Variants in HDAC7 observed in about 807,000 individuals in gnomAD.
HDAC7 encodes histone deacetylase 7A.
In HDAC7, 26 loss-of-function variants were observed where a neutral mutation model predicts 115.5. That is an observed-to-expected ratio of 0.23 (90% CI 0.16 to 0.31). The LOEUF is 0.31. Among genes scored for constraint, HDAC7 ranks in the 10% least tolerant of loss-of-function variants. The pLI, the probability that HDAC7 is intolerant of heterozygous loss-of-function variation, is 1.00. For synonymous variants in HDAC7, 564 were observed against 550.9 expected (o/e 1.02, Z -0.33); for missense variants, 1,068 against 1,329.0 (o/e 0.80, Z 3.05).
rs770321899 is a variant in HDAC7, at chr12:47,794,841, C to G, written c.1377G>C (p.Val459=). Residue 459 remains valine (V), a synonymous_variant, in exon 12 of 26, where the codon GTG becomes GTC. Coordinates refer to ENST00000080059, the MANE Select transcript of HDAC7 (RefSeq NM_015401.5). ...GCTCCCTGTGCTCCAGGCCATCGTC[C>G]ACCACCTGGCCCGGTCCCCCGCCAT... ...ETDGGGPGQV[V]DDGLEHRELG... is the part of the protein sequence containing the mutation. The G allele has an allele frequency of 1.9e-5, 31 of 1,613,116 alleles. No homozygotes were observed. Among genetic ancestry groups the G allele is most frequent in the Non-Finnish European group, 2.5e-5 (30 of 1,179,950 alleles).
Position 47,794,885 on chromosome 12 carries a change from C to G in HDAC7, c.1333G>C (p.Ala445Pro). 1 of 1,613,462 alleles carries G rather than the reference C, an allele frequency of 6.2e-7. No individual in the cohort carries two copies. The highest frequency in any genetic ancestry group is 8.5e-7 in the Non-Finnish European group (1 of 1,179,988). Reference sequence around the variant, plus strand: ...CCGCCATCTGTCTCCAGGTCTTCAGCCGAGGGTATCTGCCGCAGCCGGGGC... The same window carrying G: ...CCGCCATCTGTCTCCAGGTCTTCAGGCGAGGGTATCTGCCGCAGCCGGGGC... ...EKPRLRQIPS[A>P]EDLETDGGGP... Residue 445 changes from alanine (A) to proline (P), a missense_variant, in exon 12 of 26, where the codon GCT becomes CCT. Transcript: ENST00000080059.
chr12:47,790,663 C>T (rs1943441242), intron 16 of HDAC7: 1 of 159,626 alleles, frequency 6.3e-6, no homozygotes, highest in African/African-American at 2.4e-5. Context: ...CCTCTACACA[C>T]CTTGCTTGAG....
Position 47,789,294 on chromosome 12 carries a change from C to G in HDAC7, c.2202G>C (p.Gln734His). Residue 734 changes from glutamine to histidine, a missense_variant, in exon 19 of 26, where the codon CAG becomes CAC. Gln to His is a conservative substitution (Grantham distance 24, BLOSUM62 0). Transcript: ENST00000080059. Reference protein sequence around the residue: ...VAIACRQLQQQSKASKILIVD... With the variant: ...VAIACRQLQQHSKASKILIVD... ...CAATGAGGATCTTGCTGGCCTTGCTCTGCTGTTGCAGCTGCCGGCAGGCGA... is the reference window on the plus strand; with the variant it reads ...CAATGAGGATCTTGCTGGCCTTGCTGTGCTGTTGCAGCTGCCGGCAGGCGA... The G allele has an allele frequency of 6.2e-7, 1 of 1,614,064 alleles. No individual in the cohort carries two copies. The highest frequency in any genetic ancestry group is 8.5e-7 in the Non-Finnish European group (1 of 1,179,992).
chr12:47,793,409 G>A lies in HDAC7; in HGVS notation c.1638C>T (p.Ser546=). 11 of 1,560,728 alleles carry A rather than the reference G, an allele frequency of 7.0e-6. No homozygotes were observed. Among genetic ancestry groups the A allele is most frequent in the Non-Finnish European group, 9.5e-6 (11 of 1,152,430 alleles). The part of the protein sequence containing the change: ...PEPASQARVL[S]SSETPARTLP... ...GGGTCCTGGCAGGGGTCTCTGAGCTGGAGAGGACTCGGGCCTGGCTGGCAG... is the reference window on the plus strand; with the variant it reads ...GGGTCCTGGCAGGGGTCTCTGAGCTAGAGAGGACTCGGGCCTGGCTGGCAG... The change falls in exon 13 of 26, where the codon TCC becomes TCT. Residue 546 remains serine (S), a synonymous_variant. Transcript: ENST00000080059. The surrounding 1 kb of genome is among the most constrained non-coding windows in gnomAD (Gnocchi z 4.5).
intron 18 of HDAC7, 40 bp downstream of exon 18, chr12:47,789,483 C>A (rs568551956): frequency 3.1e-6 from 5 of 1,601,592 alleles, no homozygotes; most frequent in African/African-American, 2.7e-5. Flanking sequence ...TGGGGGCTTG[C>A]CCCCCACCTC....
chr12:47,800,990 T>G (rs938482532), intron 2 of HDAC7, among the ~76,000 whole-genome samples: 2 of 152,274 alleles, frequency 1.3e-5, no homozygotes, highest in African/African-American at 2.4e-5. Context: ...AGCTTCCACC[T>G]GTCACAAATC....
chr12:47,818,152 C>T (rs1163789450), intron 1 of HDAC7, among the ~76,000 whole-genome samples: 1 of 152,154 alleles, frequency 6.6e-6, no homozygotes, highest in Admixed American at 6.5e-5. Context: ...TGCCCCAAAA[C>T]CCACTGTAAG....
At position 47,797,239 on chromosome 12, in the gene HDAC7, AG is replaced by A. The variant is rs1306765857; in HGVS notation, c.578-98del. On this transcript the variant is annotated intron_variant, in intron 6 of 25. Transcript: ENST00000080059. The surrounding 1 kb of genome is among the most constrained non-coding windows in gnomAD (Gnocchi z 5.5). ...AGTCATCTCTATCGGTCAAGGAAAGAGAAGGCAGAACTAGAAAGAAGATCCT... is the reference window on the plus strand; with the variant it reads ...AGTCATCTCTATCGGTCAAGGAAAGAAAGGCAGAACTAGAAAGAAGATCCT... 8 of 1,563,886 alleles carry A rather than the reference AG, an allele frequency of 5.1e-6. No individual in the cohort carries two copies. In the African/African-American group the frequency reaches 1.1e-4, roughly 21 times the overall value.
chr12:47,812,559 G>C (rs573115023), intron 1 of HDAC7, among the ~76,000 whole-genome samples: 1 of 152,276 alleles, frequency 6.6e-6, no homozygotes, highest in South Asian at 2.1e-4. Context: ...TGGAGGCACA[G>C]AGCAAAATGT....
intron 22 of HDAC7, among the ~76,000 whole-genome samples, chr12:47,786,330 G>A (rs900317275): frequency 1.3e-5 from 2 of 152,216 alleles, no homozygotes; most frequent in African/African-American, 4.8e-5. Context: ...CCTGCCTACT[G>A]GACTTAAGTC....
chr12:47,802,362 C>T (rs1257058535), intron 1 of HDAC7, 88 bp from the exon 2 acceptor site: 3 of 1,535,194 alleles, frequency 2.0e-6, no homozygotes, highest in Non-Finnish European at 2.7e-6. Flanking sequence ...AGGCCTGCTC[C>T]CTGCCACTCC....
chr12:47,784,922 G>C (rs903113886), intron 24 of HDAC7: 1 of 666,874 alleles, frequency 1.5e-6, no homozygotes, highest in Non-Finnish European at 2.5e-6. Context: ...TATGGGTCTT[G>C]ACATAAGATG....
At position 47,797,895 on chromosome 12, in the gene HDAC7, T is replaced by TGTGTGAGA. The variant is rs35753431; in HGVS notation, c.461+212_461+213insTCTCACAC. 8.9e-4 allele frequency among the ~76,000 whole-genome samples: 128 copies of TGTGTGAGA among 143,456 alleles called. No individual in the cohort carries two copies. Among genetic ancestry groups the TGTGTGAGA allele is most frequent in the Middle Eastern group, 7.0e-3 (2 of 284 alleles). The allele number at this position is 143,456 out of a possible 152,430, so 94.1% of individuals were successfully genotyped here. A position where few individuals can be genotyped will look rare whatever the true frequency, so the allele number is the denominator to read the frequency against. On this transcript the variant is annotated intron_variant, in intron 5 of 25. Transcript: ENST00000080059. The surrounding 1 kb of genome is among the most constrained non-coding windows in gnomAD (Gnocchi z 5.5). ...GTGTGTGTGTGTGTGTGTGTGTGTG[T>TGTGTGAGA]GAGAAGGGCTCAGGTGGGGTGGGGA...
At chr12:47,800,700 C>G (rs1470017399) in intron 2 of HDAC7, among the ~76,000 whole-genome samples, 1 of 152,196 alleles carries the variant, frequency 6.6e-6, no homozygotes, top group Non-Finnish European at 1.5e-5. Context: ...CCTGATTATG[C>G]AAGAGGGGCT....
In HDAC7 at chr12:47,793,092, G is replaced by A. The variant is rs1242156230; in HGVS notation, c.1678+277C>T. On this transcript the variant is annotated intron_variant, in intron 13 of 25. Transcript: ENST00000080059. This position sits in a 1 kb window ranked among gnomAD's most constrained non-coding sequence, Gnocchi z 4.5. ...CAGTAATAAATATCATTTTTTAAAA[G>A]GGCTGAGTGCATTGGCAGGAGACTG... The A allele has an allele frequency of 4.5e-6, 2 of 444,742 alleles. No homozygotes were observed. The highest frequency in any genetic ancestry group is 4.0e-5 in the Admixed American group (1 of 25,260). The allele number at this position is 444,742 out of a possible 1,614,324, so 27.5% of individuals were successfully genotyped here.
intron 21 of HDAC7, 78 bp downstream of exon 21, chr12:47,787,634 A>T: frequency 1.0e-6 from 1 of 981,498 alleles, no homozygotes; most frequent in Non-Finnish European, 1.5e-6. Flanking sequence ...AATCCAACTG[A>T]TCACCTCCCC....
intron 1 of HDAC7, among the ~76,000 whole-genome samples, chr12:47,816,842 G>T (rs900220681): frequency 6.6e-6 from 1 of 152,150 alleles, no homozygotes; most frequent in African/African-American, 2.4e-5. Flanking sequence ...GCCCTTCCGG[G>T]CGTCCAGCTC....
chr12:47,790,922 C>G, intron 16 of HDAC7: 1 of 423,460 alleles, frequency 2.4e-6, no homozygotes, highest in Non-Finnish European at 4.3e-6. Context: ...ACAGAGCAGC[C>G]TGGCGGCCAA....
intron 19 of HDAC7, 128 bp from the exon 20 acceptor site, chr12:47,788,292 C>T: frequency 8.1e-7 from 1 of 1,228,342 alleles, no homozygotes; most frequent in African/African-American, 1.5e-5. Flanking sequence ...ACCTGGGGTT[C>T]CTAAAGCCAC....
Sources: gnomAD v4.1 joint callset for allele counts (sites outside exome capture counted in the v4.1 genomes callset) on GRCh38, gnomAD v4.1.1 for gene constraint, Gnocchi (gnomAD v3.1) non-coding constraint, MANE v1.5 for transcripts, NCBI Gene and HGNC (gene_info 2026-07-23, HGNC 2026-07-21) for gene names.